ENTPD4: variants seen among roughly 807,000 people sequenced by gnomAD.
ENTPD4 encodes the protein Golgi UDPase.
Under a neutral mutation model 79.1 loss-of-function variants are expected in ENTPD4, and 60 were observed. The observed-to-expected ratio is 0.76, with a 90% CI of 0.62 to 0.94. ENTPD4 has a LOEUF of 0.94. ENTPD4 is among the 40% of genes least tolerant of loss of function. The pLI is 0.00. For synonymous variants in ENTPD4, 276 were observed against 292.0 expected, an observed-to-expected ratio of 0.95 and a Z score of 0.56; for missense variants, 772 against 775.1, an observed-to-expected ratio of 1.00 and a Z score of 0.05.
chr8:23,455,560 A>C (rs1800943593), intron 1 of ENTPD4, among the ~76,000 whole-genome samples: 1 of 152,234 alleles, frequency 6.6e-6, no homozygotes, highest in African/African-American at 2.4e-5. Context: ...CTGTATGTTC[A>C]ATATTTATCT....
At chr8:23,433,903 T>C (rs1800507455) in intron 12 of ENTPD4, among the ~76,000 whole-genome samples, 1 of 152,232 alleles carries the variant, frequency 6.6e-6, no homozygotes, top group African/African-American at 2.4e-5. Context: ...TATTACAGTA[T>C]CACAAACTTG....
intron 3 of ENTPD4, among the ~76,000 whole-genome samples, chr8:23,448,309 G>A (rs1800798248): frequency 6.6e-6 from 1 of 152,188 alleles, no homozygotes; most frequent in African/African-American, 2.4e-5. Context: ...AGTTCCTACA[G>A]TTCCTTAAAT....
At chr8:23,443,357 T>C (rs1800707214) in intron 6 of ENTPD4, among the ~76,000 whole-genome samples, 1 of 152,250 alleles carries the variant, frequency 6.6e-6, no homozygotes, top group Non-Finnish European at 1.5e-5. Context: ...GAAGTATTAA[T>C]GCTGAAATGA....
intron 5 of ENTPD4, 113 bp from the exon 6 acceptor site, chr8:23,444,066 T>C: frequency 1.6e-6 from 1 of 630,012 alleles, no homozygotes; most frequent in Non-Finnish European, 2.7e-6. Context: ...TGGTATATCT[T>C]GTATGAAACA....
chr8:23,447,387 C>T (rs745727419), intron 4 of ENTPD4, among the ~76,000 whole-genome samples: 2 of 152,176 alleles, frequency 1.3e-5, no homozygotes, highest in Non-Finnish European at 2.9e-5. Context: ...TAGGAAAAAA[C>T]TCTCCATAAT....
intron 12 of ENTPD4, 81 bp downstream of exon 12, chr8:23,434,236 C>T: frequency 1.3e-6 from 2 of 1,553,548 alleles, no homozygotes; most frequent in Non-Finnish European, 1.8e-6. Flanking sequence ...CCCCAAACAG[C>T]CACAGACCAC....
chr8:23,449,028 T>G (rs1800813116), intron 2 of ENTPD4, 89 bp from the exon 3 acceptor site: 2 of 1,093,808 alleles, frequency 1.8e-6, no homozygotes. Flanking sequence ...ATATTTGGCT[T>G]GAGCTACCTG....
intron 1 of ENTPD4, 61 bp downstream of exon 1, chr8:23,457,496 C>G (rs1323747940): frequency 6.6e-6 from 1 of 152,084 alleles, no homozygotes; most frequent in Non-Finnish European, 1.5e-5. Flanking sequence ...CACTCCAACC[C>G]ACTCGCCGGC....
At chr8:23,452,146 C>G (rs1293749338) in intron 1 of ENTPD4, among the ~76,000 whole-genome samples, 3 of 152,208 alleles carry the variant, frequency 2.0e-5, no homozygotes, top group Non-Finnish European at 4.4e-5. Flanking sequence ...TCCTTGTCCT[C>G]TAACATAATG....
chr8:23,432,732 T>C lies in ENTPD4; in HGVS notation c.*194A>G. On this transcript the variant is annotated 3_prime_UTR_variant, in exon 13 of 13. Coordinates refer to ENST00000358689, the MANE Select transcript of ENTPD4 (RefSeq NM_004901.5). ...CCAGGATGGTCTCGATCTCCTGACC[T>C]CATGATCCGCCCGCCTCGGCCTCCC... 1.6e-6 allele frequency: 2 copies of C among 1,255,462 alleles called. No individual in the cohort carries two copies. The highest frequency in any genetic ancestry group is 2.1e-6 in the Non-Finnish European group (2 of 947,398). The allele number at this position is 1,255,462 out of a possible 1,614,324, so 77.8% of individuals were successfully genotyped here. A position where few individuals can be genotyped will look rare whatever the true frequency, so the allele number is the denominator to read the frequency against.
chr8:23,447,198 A>G (rs1352394238), intron 4 of ENTPD4, among the ~76,000 whole-genome samples: 1 of 152,248 alleles, frequency 6.6e-6, no homozygotes, highest in African/African-American at 2.4e-5. Flanking sequence ...TTTAAAAACT[A>G]TACATAATTA....
At chr8:23,446,121 T>C (rs1334075431) in intron 4 of ENTPD4, among the ~76,000 whole-genome samples, 3 of 152,218 alleles carry the variant, frequency 2.0e-5, no homozygotes, top group Non-Finnish European at 4.4e-5. Flanking sequence ...CGGAAGTCCA[T>C]GCTTCAGGAC....
intron 8 of ENTPD4, 26 bp downstream of exon 8, chr8:23,441,543 A>T: frequency 6.2e-7 from 1 of 1,605,396 alleles, no homozygotes; most frequent in East Asian, 2.2e-5. Context: ...CAAACCAAAC[A>T]GAAGGAAATT....
Position 23,429,680 on chromosome 8 carries a change from G to A in ENTPD4, c.*3246C>T. On this transcript the variant is annotated 3_prime_UTR_variant, in exon 13 of 13. Coordinates refer to ENST00000358689, the MANE Select transcript of ENTPD4 (RefSeq NM_004901.5). ...GTTTGTTAATCTAGAGTACACAGAT[G>A]TGGAAAACTGGTGGTGAAAAGAGGG... 1.0e-6 allele frequency: 1 copy of A among 985,378 alleles called. No individual in the cohort carries two copies. The highest frequency in any genetic ancestry group is 1.2e-6 in the Non-Finnish European group (1 of 829,882). 61.0% of individuals were successfully genotyped at this position (985,378 alleles called of 1,614,324 possible). A position where few individuals can be genotyped will look rare whatever the true frequency, so the allele number is the denominator to read the frequency against.
intron 4 of ENTPD4, among the ~76,000 whole-genome samples, chr8:23,447,453 G>A (rs1265466626): frequency 6.6e-6 from 1 of 152,174 alleles, no homozygotes; most frequent in Non-Finnish European, 1.5e-5. Flanking sequence ...TATTTAAAAT[G>A]CTATGGGAGA....
In ENTPD4 at chr8:23,431,240, G is replaced by T; in HGVS notation, c.*1686C>A. ...GTTTCTCCAAACTCTCCCAGCCTCT[G>T]CCCAGTACCTAGTTCCAAAGCCACT... On this transcript the variant is annotated 3_prime_UTR_variant, in exon 13 of 13. Coordinates refer to ENST00000358689, the MANE Select transcript of ENTPD4 (RefSeq NM_004901.5). 1 of 668,944 alleles carries T rather than the reference G, an allele frequency of 1.5e-6. No homozygotes were observed. The highest frequency in any genetic ancestry group is 1.8e-6 in the Non-Finnish European group (1 of 541,836). 41.4% of individuals were successfully genotyped at this position (668,944 alleles called of 1,614,324 possible).
At position 23,431,550 on chromosome 8, in the gene ENTPD4, T is replaced by C. The variant is rs763669345; in HGVS notation, c.*1376A>G. On this transcript the variant is annotated 3_prime_UTR_variant, in exon 13 of 13. Transcript: ENST00000358689. Reference sequence around the variant, plus strand: ...CTTCAAAATGTGAATTTATTTCCTGTATTGGATGCAGACTCTTCCCTTCTG... The same window carrying C: ...CTTCAAAATGTGAATTTATTTCCTGCATTGGATGCAGACTCTTCCCTTCTG... 1.0e-5 allele frequency: 10 copies of C among 985,470 alleles called. No homozygotes were observed. Among genetic ancestry groups the C allele is most frequent in the Non-Finnish European group, 1.2e-5 (10 of 829,936 alleles). 61.0% of individuals were successfully genotyped at this position (985,470 alleles called of 1,614,324 possible).
Position 23,437,008 on chromosome 8 carries a change from A to G in ENTPD4, c.1300T>C (p.Phe434Leu), listed in dbSNP as rs1316936070. The change falls in exon 10 of 13, where the codon TTC (phenylalanine) becomes CTC (leucine). Residue 434 changes from phenylalanine (F) to leucine (L), a missense_variant. Phe to Leu is a conservative substitution (Grantham distance 22). Coordinates refer to ENST00000358689, the MANE Select transcript of ENTPD4 (RefSeq NM_004901.5). ...AACACATCCTCGGTGCAGTAGTAGA[A>G]TTCGGAGAAGCCATAGAATTCACTG... ...QNSEFYGFSE[F>L]YYCTEDVLRM... The G allele has an allele frequency of 1.9e-6, 3 of 1,614,030 alleles. No homozygotes were observed. In the South Asian group the frequency reaches 3.3e-5, roughly 18 times the overall value.
In ENTPD4 at chr8:23,451,748, T is replaced by C. The variant is rs1363130815; in HGVS notation, c.-97-1751A>G. On this transcript the variant is annotated intron_variant, in intron 1 of 12. Transcript: ENST00000358689. ...TCTGGTCTCAGGGTCTCTCAACTTG[T>C]TGCCCCCTCTACTAGGAAGTAATCT... 2.0e-5 allele frequency among the ~76,000 whole-genome samples: 3 copies of C among 152,202 alleles called. No individual in the cohort carries two copies. In the East Asian group the frequency reaches 5.8e-4, roughly 29 times the overall value.
Sources: allele counts gnomAD v4.1 joint callset (sites outside exome capture counted in the v4.1 genomes callset), GRCh38; gene constraint gnomAD v4.1.1; transcripts MANE v1.5; gene names NCBI Gene and HGNC (gene_info 2026-07-23, HGNC 2026-07-21).